MEGF11: variants seen among roughly 807,000 people sequenced by gnomAD.
The protein encoded by MEGF11 is multiple EGF like domains 11.
MEGF11 carries 126 observed loss-of-function variants against 146.6 expected under a neutral mutation model. The ratio of observed to expected loss-of-function variants is 0.86; its 90% CI spans 0.74 to 1.00. The LOEUF is 1.00. Ranked by LOEUF, MEGF11 falls within the 50% of genes least tolerant of loss-of-function variation. The probability of loss-of-function intolerance (pLI) is 0.00; values close to 1 mark genes in which losing one functional copy is unlikely to be tolerated. For missense variants in MEGF11, 1,509 were observed against 1,521.2 expected (o/e 0.99, Z 0.13); for synonymous variants, 532 against 583.4 (o/e 0.91, Z 1.27).
At chr15:66,134,298 G>A (rs1409287321) in intron 1 of MEGF11, among the ~76,000 whole-genome samples, 1 of 152,152 alleles carries the variant, frequency 6.6e-6, no homozygotes, top group African/African-American at 2.4e-5. Flanking sequence ...CAAGCAGGCA[G>A]CATCTGCACC....
chr15:66,136,561 T>C (rs908249366), intron 1 of MEGF11, among the ~76,000 whole-genome samples: 1 of 152,152 alleles, frequency 6.6e-6, no homozygotes, highest in Non-Finnish European at 1.5e-5. Context: ...CAGAAACCAA[T>C]TGTTTCAAAG....
chr15:65,963,179 C>T (rs184153617), intron 9 of MEGF11, among the ~76,000 whole-genome samples: 6 of 152,302 alleles, frequency 3.9e-5, no homozygotes, highest in East Asian at 3.9e-4. Flanking sequence ...CCAGCAGGAG[C>T]GACAGATTCT....
chr15:65,953,347 A>G (rs1188847873), intron 10 of MEGF11, among the ~76,000 whole-genome samples: 1 of 152,108 alleles, frequency 6.6e-6, no homozygotes, highest in Non-Finnish European at 1.5e-5. Flanking sequence ...TAGGATTTGA[A>G]CTTAGATTTG....
intron 4 of MEGF11, among the ~76,000 whole-genome samples, chr15:66,101,488 T>A (rs1035868560): frequency 6.6e-6 from 1 of 152,148 alleles, no homozygotes; most frequent in Non-Finnish European, 1.5e-5. Context: ...CCCCACAGGC[T>A]GGATGAGGTC....
intron 5 of MEGF11, among the ~76,000 whole-genome samples, chr15:66,037,288 A>G (rs1333499494): frequency 6.6e-6 from 1 of 152,214 alleles, no homozygotes; most frequent in African/African-American, 2.4e-5. Flanking sequence ...CCATGAGTCA[A>G]TGAACCAATA....
chr15:66,147,636 G>A (rs1296394626), intron 1 of MEGF11, among the ~76,000 whole-genome samples: 1 of 152,214 alleles, frequency 6.6e-6, no homozygotes, highest in Non-Finnish European at 1.5e-5. Flanking sequence ...GCCTGGAGGT[G>A]AGAAAGAGCA....
At chr15:66,027,619 C>T (rs1264613463) in intron 5 of MEGF11, among the ~76,000 whole-genome samples, 2 of 152,196 alleles carry the variant, frequency 1.3e-5, no homozygotes, top group Non-Finnish European at 2.9e-5. Flanking sequence ...TCAGAACTAC[C>T]CCGAGAGTCT....
Position 66,129,023 on chromosome 15 carries a change from A to G in MEGF11, c.-8-612T>C, listed in dbSNP as rs141288782. On this transcript the variant is annotated intron_variant, in intron 1 of 25. Transcript: ENST00000395614. ...CAGAGTGATGCAGTCATCACATGCCATTCCCACTGAGGGATGCCAGGCCTA... is the reference window on the plus strand; with the variant it reads ...CAGAGTGATGCAGTCATCACATGCCGTTCCCACTGAGGGATGCCAGGCCTA... Among the ~76,000 whole-genome samples the G allele has an allele frequency of 4.8e-3, 735 of 152,296 alleles. 1 individual carries two copies. The highest frequency in any genetic ancestry group is 7.1e-3 in the Non-Finnish European group (481 of 68,010).
chr15:66,181,171 G>C (rs913567085), intron 1 of MEGF11, among the ~76,000 whole-genome samples: 1 of 152,138 alleles, frequency 6.6e-6, no homozygotes. Context: ...TATCCATTTG[G>C]GGAAGAAGCT....
chr15:66,018,714 A>T (rs937210350), intron 5 of MEGF11, among the ~76,000 whole-genome samples: 35 of 151,806 alleles, frequency 2.3e-4, no homozygotes, highest in African/African-American at 8.0e-4. Context: ...ACTCTGTGTG[A>T]GTGTGTGTGG....
chr15:66,128,345 A>G lies in MEGF11; in HGVS notation c.59T>C (p.Leu20Pro), dbSNP rs1373928818. The G allele has an allele frequency of 5.9e-6, 9 of 1,524,408 alleles. No homozygotes were observed. The highest frequency in any genetic ancestry group is 2.6e-5 in the East Asian group (1 of 38,128). The allele number at this position is 1,524,408 out of a possible 1,614,324, so 94.4% of individuals were successfully genotyped here. A position where few individuals can be genotyped will look rare whatever the true frequency, so the allele number is the denominator to read the frequency against. The change falls in exon 2 of 26, where the codon CTG becomes CCG. Residue 20 changes from leucine (L) to proline (P), a missense_variant. Physicochemically the swap from Leu to Pro is moderately conservative, Grantham distance 98. Transcript: ENST00000395614. ...AFSFLQATLA[L>P]NPEDPNVCSH... ...GCACACGTTGGGGTCCTCGGGGTTC[A>G]GGGCAAGGGTGGCTTGCAGGAAGGA...
intron 5 of MEGF11, among the ~76,000 whole-genome samples, chr15:66,083,749 A>G (rs1597066265): frequency 6.6e-6 from 1 of 152,222 alleles, no homozygotes; most frequent in Admixed American, 6.5e-5. Context: ...TCCTGTATTT[A>G]CGAAAAAAAT....
At chr15:66,187,000 C>G (rs2090726482) in intron 1 of MEGF11, among the ~76,000 whole-genome samples, 1 of 152,218 alleles carries the variant, frequency 6.6e-6, no homozygotes. Context: ...TATTTAACCT[C>G]TCTGAACCCC....
chr15:65,925,111 TA>T (rs1041767797), intron 13 of MEGF11, among the ~76,000 whole-genome samples: 4 of 152,222 alleles, frequency 2.6e-5, no homozygotes, highest in African/African-American at 4.8e-5. Context: ...TGCTCTCTCC[TA>T]AAACTATAGG....
chr15:65,986,579 A>G (rs56399791), intron 5 of MEGF11, among the ~76,000 whole-genome samples: 6,524 of 152,278 alleles, frequency 0.043, 200 homozygotes, highest in Non-Finnish European at 0.071. Context: ...CAGCAATGAC[A>G]GAGAAATGAG....
At chr15:66,042,009 A>G (rs1246875403) in intron 5 of MEGF11, among the ~76,000 whole-genome samples, 3 of 151,890 alleles carry the variant, frequency 2.0e-5, no homozygotes, top group African/African-American at 7.3e-5. Flanking sequence ...AAGATCCTCG[A>G]CCCCCAGGAC....
intron 1 of MEGF11, among the ~76,000 whole-genome samples, chr15:66,247,457 C>T (rs1006459176): frequency 3.3e-5 from 5 of 152,272 alleles, no homozygotes; most frequent in East Asian, 1.9e-4. Context: ...GGGCTTAAAA[C>T]GAGTAGAAAG....
intron 5 of MEGF11, among the ~76,000 whole-genome samples, chr15:66,022,447 C>T (rs2083180244): frequency 6.6e-6 from 1 of 152,224 alleles, no homozygotes; most frequent in Admixed American, 6.5e-5. Flanking sequence ...TGCATGCATG[C>T]AGGCACACAC....
At chr15:66,033,823 G>A (rs778846403) in intron 5 of MEGF11, among the ~76,000 whole-genome samples, 32 of 152,048 alleles carry the variant, frequency 2.1e-4, no homozygotes, top group East Asian at 3.9e-4. Flanking sequence ...ACGGAGTCTC[G>A]CCCTGTTGCC....
Sources: gnomAD v4.1 joint callset for allele counts (sites outside exome capture counted in the v4.1 genomes callset) on GRCh38, gnomAD v4.1.1 for gene constraint, MANE v1.5 for transcripts, NCBI Gene and HGNC (gene_info 2026-07-23, HGNC 2026-07-21) for gene names.